The following ATP8A2 variants were observed in gnomAD, a reference collection of about 807,000 sequenced individuals.
ATP8A2 encodes ATPase phospholipid transporting 8A2, also known as phospholipid-transporting ATPase IB.
In ATP8A2, 100 loss-of-function variants were observed where a neutral mutation model predicts 165.6. The ratio of observed to expected loss-of-function variants is 0.60; its 90% confidence interval spans 0.51 to 0.71. The LOEUF (loss-of-function observed/expected upper bound fraction) is 0.71, where lower values mean the gene tolerates loss of function less well. ATP8A2 is among the 30% of genes least tolerant of loss of function. The pLI, the probability that ATP8A2 is intolerant of heterozygous loss-of-function variation, is 0.00. For synonymous variants in ATP8A2, 543 were observed against 548.8 expected, an observed-to-expected ratio of 0.99 and a Z score of 0.15; for missense variants, 1,227 against 1,479.5, an observed-to-expected ratio of 0.83 and a Z score of 2.80.
intron 24 of ATP8A2, among the ~76,000 whole-genome samples, chr13:25,669,814 T>A (rs1393868921): frequency 6.6e-6 from 1 of 152,228 alleles, no homozygotes; most frequent in Non-Finnish European, 1.5e-5. Flanking sequence ...CAGATGCCAC[T>A]GCTGCCTGAA....
chr13:25,767,269 G>T (rs1389453491), intron 25 of ATP8A2, among the ~76,000 whole-genome samples: 1 of 152,212 alleles, frequency 6.6e-6, no homozygotes, highest in African/African-American at 2.4e-5. Flanking sequence ...CTTATGTGGA[G>T]TTGACTAGAG....
chr13:25,653,188 A>G (rs1245478547), intron 24 of ATP8A2, among the ~76,000 whole-genome samples: 1 of 152,196 alleles, frequency 6.6e-6, no homozygotes, highest in Non-Finnish European at 1.5e-5. Context: ...CTAGCCAGTT[A>G]TCCCAGCACC....
At chr13:25,944,781 T>A (rs1296236083) in intron 33 of ATP8A2, 1 of 152,202 alleles carries the variant, frequency 6.6e-6, no homozygotes, top group Non-Finnish European at 1.5e-5. Context: ...AATAAAAAAA[T>A]TATTTAAAAA....
chr13:25,664,360 T>C (rs1446034820), intron 24 of ATP8A2, among the ~76,000 whole-genome samples: 1 of 152,150 alleles, frequency 6.6e-6, no homozygotes, highest in Non-Finnish European at 1.5e-5. Context: ...TGTAGCAATA[T>C]TTGATGTCAT....
At chr13:25,518,411 GT>G (rs1480498415) in intron 2 of ATP8A2, among the ~76,000 whole-genome samples, 1 of 152,214 alleles carries the variant, frequency 6.6e-6, no homozygotes. Flanking sequence ...CTTACTGTAT[GT>G]TGGGAAGATA....
intron 27 of ATP8A2, among the ~76,000 whole-genome samples, chr13:25,787,878 A>T (rs758928323): frequency 2.8e-4 from 43 of 152,246 alleles, no homozygotes; most frequent in Non-Finnish European, 5.6e-4. Flanking sequence ...ATGTGACCAG[A>T]ATAGCATTGA....
intron 2 of ATP8A2, among the ~76,000 whole-genome samples, chr13:25,476,356 A>G (rs1428177572): frequency 3.3e-5 from 5 of 150,778 alleles, no homozygotes. Context: ...CGCGAACTCC[A>G]CTCATTGCAA....
chr13:25,954,466 G>T (rs1471352101), intron 33 of ATP8A2, among the ~76,000 whole-genome samples: 1 of 152,212 alleles, frequency 6.6e-6, no homozygotes, highest in African/African-American at 2.4e-5. Context: ...TGCCGGCTCT[G>T]AACAGAGCAG....
At chr13:25,972,624 C>G (rs183931814) in intron 35 of ATP8A2, among the ~76,000 whole-genome samples, 1 of 152,156 alleles carries the variant, frequency 6.6e-6, no homozygotes, top group Non-Finnish European at 1.5e-5. Context: ...GGAACCCCCC[C>G]GCACCGCACA....
intron 1 of ATP8A2, among the ~76,000 whole-genome samples, chr13:25,426,664 C>A (rs148540117): frequency 2.0e-5 from 3 of 152,174 alleles, no homozygotes; most frequent in Middle Eastern, 3.4e-3. Context: ...GTATCAGGGC[C>A]GGGCACGGTG....
At chr13:25,420,134 AT>A (rs2034257225) in intron 1 of ATP8A2, among the ~76,000 whole-genome samples, 1 of 152,236 alleles carries the variant, frequency 6.6e-6, no homozygotes, top group Non-Finnish European at 1.5e-5. Flanking sequence ...AGCATCTCAG[AT>A]TTTGATTTCA....
At chr13:25,490,739 TTG>T (rs2036503972) in intron 2 of ATP8A2, among the ~76,000 whole-genome samples, 2 of 151,526 alleles carry the variant, frequency 1.3e-5, no homozygotes, top group African/African-American at 4.9e-5. Context: ...TTTTTTTTGT[TTG>T]TTTGTTTGTT....
At chr13:25,684,274 A>G (rs1269293350) in intron 24 of ATP8A2, among the ~76,000 whole-genome samples, 1 of 152,254 alleles carries the variant, frequency 6.6e-6, no homozygotes, top group Non-Finnish European at 1.5e-5. Context: ...CTTACTGGAA[A>G]TATTTTTGCT....
chr13:25,961,345 G>T (rs1396267300), intron 33 of ATP8A2, among the ~76,000 whole-genome samples: 1 of 152,182 alleles, frequency 6.6e-6, no homozygotes, highest in Non-Finnish European at 1.5e-5. Flanking sequence ...TAAAAGAGAG[G>T]CAAGGGCACA....
intron 7 of ATP8A2, among the ~76,000 whole-genome samples, chr13:25,539,088 T>TGTGC (rs535587512): frequency 0.1 from 15,293 of 150,902 alleles, 1,071 homozygotes; most frequent in Non-Finnish European, 0.17. Flanking sequence ...TGTGTGTGTG[T>TGTGC]GTGTGTGTGT....
At chr13:25,575,651 C>T (rs1593566983) in intron 19 of ATP8A2, among the ~76,000 whole-genome samples, 1 of 152,032 alleles carries the variant, frequency 6.6e-6, no homozygotes, top group East Asian at 1.9e-4. Context: ...AAATACTTTC[C>T]AGCCCTAGTC....
chr13:25,932,387 A>G (rs1257353145), intron 33 of ATP8A2, among the ~76,000 whole-genome samples: 2 of 152,148 alleles, frequency 1.3e-5, no homozygotes, highest in Non-Finnish European at 2.9e-5. Context: ...CCTTTTCATC[A>G]CTTGAGTAAC....
At chr13:25,718,280 G>A (rs1232013528) in intron 25 of ATP8A2, among the ~76,000 whole-genome samples, 1 of 152,172 alleles carries the variant, frequency 6.6e-6, no homozygotes, top group Non-Finnish European at 1.5e-5. Flanking sequence ...ATTGGAGGAA[G>A]CCTCAAATCT....
At chr13:25,563,873 C>T in intron 15 of ATP8A2, 83 bp from the exon 16 acceptor site, 2 of 938,622 alleles carry the variant, frequency 2.1e-6, no homozygotes, top group African/African-American at 1.6e-5. Flanking sequence ...TATGGTTCTT[C>T]TTGAAGGCAG....
Sources: gnomAD v4.1 joint callset for allele counts (sites outside exome capture counted in the v4.1 genomes callset) on GRCh38, gnomAD v4.1.1 for gene constraint, MANE v1.5 for transcripts, NCBI Gene and HGNC (gene_info 2026-07-23, HGNC 2026-07-21) for gene names.